Variants in MYO15B observed in about 807,000 individuals in gnomAD.
The protein encoded by MYO15B is myosin XVB pseudogene.
MYO15B carries 207 observed loss-of-function variants against 119.3 expected under a neutral mutation model. That is an observed-to-expected ratio of 1.73 (90% confidence interval 1.55 to 1.95). The LOEUF is 1.95. Among genes scored for constraint, MYO15B ranks in the 30% most tolerant of loss-of-function variants. MYO15B has a pLI of 0.00. For missense variants in MYO15B, 2,264 were observed against 1,203.1 expected (o/e 1.88, Z -13.04); for synonymous variants, 966 against 498.9 (o/e 1.94, Z -12.48).
chr17:75,602,187 G>T (rs1291908115), intron 15 of MYO15B: 1 of 399,074 alleles, frequency 2.5e-6, no homozygotes, highest in Non-Finnish European at 4.7e-6. Context: ...GAAATACAAG[G>T]AGTTCAAGAA....
chr17:75,625,028 G>A (rs2058947607), intron 59 of MYO15B, 95 bp from the exon 60 acceptor site: 2 of 659,062 alleles, frequency 3.0e-6, no homozygotes, highest in African/African-American at 1.8e-5. Context: ...TGGCTGGGGG[G>A]TGACAGTGGC....
At position 75,602,601 on chromosome 17, in the gene MYO15B, A is replaced by T; in HGVS notation, c.3729+7A>T. On this transcript the variant is annotated splice_region_variant and intron_variant, in intron 16 of 63. Coordinates refer to ENST00000645453, the Ensembl canonical transcript of MYO15B. ...TGGCCAGAGCCAGCTCCAGGTGCCC[A>T]TCTGCCCTTCCAGGCCCCCACCCGC... 4 of 664,724 alleles carry T rather than the reference A, an allele frequency of 6.0e-6. No homozygotes were observed. Among genetic ancestry groups the T allele is most frequent in the Non-Finnish European group, 1.1e-5 (4 of 364,998 alleles). 41.2% of individuals were successfully genotyped at this position (664,724 alleles called of 1,614,324 possible).
At position 75,605,884 on chromosome 17, in the gene MYO15B, C is replaced by T. The variant is rs575299021; in HGVS notation, c.4155C>T (p.Gly1385=). Residue 1385 remains glycine, a synonymous_variant, in exon 21 of 64, where the codon GGC becomes GGT. Coordinates refer to ENST00000645453, the Ensembl canonical transcript of MYO15B. ...CACAGGTCCTGCTGCAGGAGCAGGG[C>T]TGGCAGCGGCTGGAGGAGCTCCGGG... 3.3e-5 allele frequency: 23 copies of T among 699,070 alleles called. No individual in the cohort carries two copies. In the African/African-American group the frequency reaches 3.8e-4, roughly 12 times the overall value. 43.3% of individuals were successfully genotyped at this position (699,070 alleles called of 1,614,324 possible).
intron 9 of MYO15B, among the ~76,000 whole-genome samples, chr17:75,593,628 A>AC: frequency 6.6e-6 from 1 of 151,300 alleles, no homozygotes; most frequent in East Asian, 2.0e-4. Context: ...AAAAAAAAAA[A>AC]AACAAAACAG....
At chr17:75,605,936 G>C (rs893414998) in exon 21 of MYO15B, 1 of 702,562 alleles carries the variant, frequency 1.4e-6, no homozygotes, top group African/African-American at 1.7e-5. Context: ...GGCCCTGGTC[G>C]ACCTGCACCG....
exon 7 of MYO15B, chr17:75,592,296 T>G (rs771810174): frequency 2.8e-5 from 20 of 702,670 alleles, no homozygotes; most frequent in Middle Eastern, 4.6e-4. Context: ...CAGGGTGGTG[T>G]TTCAGGTAAA....
At chr17:75,616,882 A>G (rs1227279544) in exon 40 of MYO15B, 1 of 702,982 alleles carries the variant, frequency 1.4e-6, no homozygotes, top group Non-Finnish European at 2.6e-6. Context: ...AGGCCTCCCA[A>G]AGCTTTCCTG....
At chr17:75,609,269 C>T (rs1761999160) in intron 21 of MYO15B, among the ~76,000 whole-genome samples, 1 of 151,432 alleles carries the variant, frequency 6.6e-6, no homozygotes, top group Non-Finnish European at 1.5e-5. Context: ...GAGCAGTGAC[C>T]CAGTCATAGC....
chr17:75,617,186 G>T, exon 41 of MYO15B: 1 of 694,184 alleles, frequency 1.4e-6, no homozygotes, highest in Non-Finnish European at 2.6e-6. Context: ...AGGAAAAGCA[G>T]GGGCCCCTTC....
chr17:75,626,083 C>T lies in MYO15B; in HGVS notation c.9073-5C>T, dbSNP rs1185104914. ...GAGACCAGCCCTGCTCTCTGCTGCC[C>T]CCAGAGCCTGTACTGCCGCATTGCC... On this transcript the variant is annotated splice_polypyrimidine_tract_variant and splice_region_variant and intron_variant, in intron 62 of 63. Coordinates refer to ENST00000645453, the Ensembl canonical transcript of MYO15B. The T allele has an allele frequency of 1.4e-6, 1 of 702,616 alleles. No individual in the cohort carries two copies. Among genetic ancestry groups the T allele is most frequent in the East Asian group, 2.7e-5 (1 of 37,284 alleles). 43.5% of individuals were successfully genotyped at this position (702,616 alleles called of 1,614,324 possible).
chr17:75,588,181 C>A, exon 1 of MYO15B: 3 of 397,996 alleles, frequency 7.5e-6, no homozygotes, highest in Non-Finnish European at 1.3e-5. Flanking sequence ...CCGTTCCGAC[C>A]GCGGGCAGGC....
exon 64 of MYO15B, chr17:75,626,766 C>T: frequency 1.9e-6 from 1 of 536,348 alleles, no homozygotes; most frequent in Non-Finnish European, 3.3e-6. Flanking sequence ...CCACCCGACC[C>T]CAGGCTCCGC....
exon 49 of MYO15B, chr17:75,620,541 G>T: frequency 1.4e-6 from 1 of 702,818 alleles, no homozygotes; most frequent in Non-Finnish European, 2.6e-6. Context: ...TGCCGCTCCC[G>T]ACTTTTCCTT....
chr17:75,612,842 A>G (rs992378371), exon 26 of MYO15B: 7 of 702,792 alleles, frequency 1.0e-5, no homozygotes, highest in African/African-American at 1.7e-5. Context: ...CGAAGCCCCT[A>G]ACCCAGCTGG....
intron 21 of MYO15B, chr17:75,606,922 C>T (rs1018433727): frequency 6.5e-5 from 26 of 398,384 alleles, no homozygotes; most frequent in Non-Finnish European, 8.8e-5. Flanking sequence ...ATCTCTTTTT[C>T]GCCCTCACAG....
At chr17:75,590,967 C>G in exon 3 of MYO15B, 2 of 566,272 alleles carry the variant, frequency 3.5e-6, no homozygotes, top group African/African-American at 1.9e-5. Context: ...TCTTTTTTCA[C>G]CTGAGGTCCA....
At chr17:75,605,170 G>A (rs2057549960) in intron 19 of MYO15B, among the ~76,000 whole-genome samples, 1 of 151,838 alleles carries the variant, frequency 6.6e-6, no homozygotes, top group Non-Finnish European at 1.5e-5. Flanking sequence ...GGGCGCAGTG[G>A]CTCACGCCTG....
chr17:75,609,651 C>T (rs1387864842), intron 21 of MYO15B, among the ~76,000 whole-genome samples: 1 of 150,956 alleles, frequency 6.6e-6, no homozygotes, highest in East Asian at 1.9e-4. Context: ...CTCCCTCCTC[C>T]CTCCTCCTCT....
rs2057506806 is a variant in MYO15B at position 75,604,643 on chromosome 17, CCCAGAACCA to C, written c.4017-860_4017-852del. ...AACCACATTCCTGTTGCTCCCGTGG[CCCAGAACCA>C]GCCCTCATGCCTCCTGCGCACACCA... On this transcript the variant is annotated intron_variant, in intron 19 of 63. Coordinates refer to ENST00000645453, the Ensembl canonical transcript of MYO15B. Among the ~76,000 whole-genome samples the C allele has an allele frequency of 2.0e-5, 3 of 147,682 alleles. No individual in the cohort carries two copies. In the Admixed American group the frequency reaches 2.1e-4, roughly 10 times the overall value.
Sources: allele counts gnomAD v4.1 joint callset (sites outside exome capture counted in the v4.1 genomes callset), GRCh38; gene constraint gnomAD v4.1.1; transcripts MANE v1.5; gene names NCBI Gene and HGNC (gene_info 2026-07-23, HGNC 2026-07-21).